RAPGEF2: variants seen among roughly 807,000 people sequenced by gnomAD.
RAPGEF2 encodes the protein Rap guanine nucleotide exchange factor 2.
Under a neutral mutation model 186.7 loss-of-function variants are expected in RAPGEF2, and 54 were observed. That is an observed-to-expected ratio of 0.29 (90% CI 0.23 to 0.36). The LOEUF is 0.36. Among genes scored for constraint, RAPGEF2 ranks in the 10% least tolerant of loss-of-function variants. RAPGEF2 has a pLI of 1.00. For synonymous variants in RAPGEF2, 712 were observed against 705.9 expected (o/e 1.01, Z -0.14); for missense variants, 1,532 against 2,045.0 (o/e 0.75, Z 4.84).
intron 7 of RAPGEF2, among the ~76,000 whole-genome samples, chr4:159,247,894 C>G (rs535917291): frequency 6.7e-6 from 1 of 150,228 alleles, no homozygotes; most frequent in East Asian, 2.0e-4. Flanking sequence ...TCCCGAGTAG[C>G]TGGGATTACA....
chr4:159,322,439 G>C lies in RAPGEF2; in HGVS notation c.946G>C (p.Val316Leu). Residue 316 changes from valine (V) to leucine (L), a missense_variant, in exon 10 of 30, where the codon GTG becomes CTG. This residue lies in a region of RAPGEF2 where 810 missense variants were observed against 1,210.5 expected (regional missense o/e 0.67). Coordinates refer to ENST00000691494, the MANE Select transcript of RAPGEF2 (RefSeq NM_001394067.2). ...ACTCTGTGCTGTGATGGTGTTCGCA[G>C]TGGTGGAAAGAGCAGGGACCATAGT... ...RELCAVMVFA[V>L]VERAGTIVLN... 6.2e-7 allele frequency: 1 copy of C among 1,614,004 alleles called. No individual in the cohort carries two copies. The highest frequency in any genetic ancestry group is 8.5e-7 in the Non-Finnish European group (1 of 1,179,908).
At chr4:159,305,306 A>G (rs1478396763) in intron 8 of RAPGEF2, among the ~76,000 whole-genome samples, 1 of 152,176 alleles carries the variant, frequency 6.6e-6, no homozygotes, top group Non-Finnish European at 1.5e-5. Flanking sequence ...CCAGCTGCAT[A>G]TAAGTGTTCT....
chr4:159,298,260 A>G (rs980188664), intron 7 of RAPGEF2, among the ~76,000 whole-genome samples: 2 of 152,168 alleles, frequency 1.3e-5, no homozygotes, highest in Non-Finnish European at 2.9e-5. Flanking sequence ...TTAGCAAAAT[A>G]AATTTTATAT....
At chr4:159,206,130 C>T (rs1024842889) in intron 3 of RAPGEF2, among the ~76,000 whole-genome samples, 3 of 152,158 alleles carry the variant, frequency 2.0e-5, no homozygotes, top group African/African-American at 7.2e-5. Flanking sequence ...CGGGGTTTCA[C>T]CGTGTTAGCC....
chr4:159,203,047 A>C (rs1197917050), intron 3 of RAPGEF2, among the ~76,000 whole-genome samples: 1 of 152,194 alleles, frequency 6.6e-6, no homozygotes, highest in Non-Finnish European at 1.5e-5. Flanking sequence ...TGGACTTAGT[A>C]GTTTTTTGTT....
intron 7 of RAPGEF2, among the ~76,000 whole-genome samples, chr4:159,272,850 CTA>C (rs1258860674): frequency 1.3e-5 from 2 of 152,188 alleles, no homozygotes; most frequent in African/African-American, 4.8e-5. Context: ...AAATTAATGA[CTA>C]TTTTGAAGAT....
chr4:159,348,845 T>C (rs1170595546), intron 25 of RAPGEF2, among the ~76,000 whole-genome samples: 1 of 152,250 alleles, frequency 6.6e-6, no homozygotes, highest in Non-Finnish European at 1.5e-5. Flanking sequence ...TTATTTAGTT[T>C]AACATACACA....
chr4:159,181,692 C>T (rs1029262502), intron 1 of RAPGEF2, among the ~76,000 whole-genome samples: 4 of 151,296 alleles, frequency 2.6e-5, no homozygotes, highest in African/African-American at 4.9e-5. Context: ...TGCATCACCA[C>T]GCCTGGCTAA....
chr4:159,270,463 T>C (rs1193157473), intron 7 of RAPGEF2, among the ~76,000 whole-genome samples: 1 of 152,154 alleles, frequency 6.6e-6, no homozygotes, highest in African/African-American at 2.4e-5. Flanking sequence ...TTCAAAAAGT[T>C]TGTGGGCTTT....
chr4:159,230,141 T>A (rs984107035), intron 4 of RAPGEF2, among the ~76,000 whole-genome samples: 1 of 152,166 alleles, frequency 6.6e-6, no homozygotes, highest in African/African-American at 2.4e-5. Context: ...GAGAAGACTA[T>A]CAGCATTCTT....
At chr4:159,295,935 A>G (rs1761965964) in intron 7 of RAPGEF2, among the ~76,000 whole-genome samples, 1 of 152,066 alleles carries the variant, frequency 6.6e-6, no homozygotes, top group East Asian at 1.9e-4. Flanking sequence ...AGAAGGATGT[A>G]TTTTTCCATA....
At chr4:159,154,575 T>C (rs533773533) in intron 1 of RAPGEF2, among the ~76,000 whole-genome samples, 11 of 151,950 alleles carry the variant, frequency 7.2e-5, no homozygotes, top group African/African-American at 2.4e-4. Flanking sequence ...CCAGTGACTA[T>C]ATTTAGCATT....
intron 7 of RAPGEF2, among the ~76,000 whole-genome samples, chr4:159,289,783 G>A (rs1383256969): frequency 1.3e-5 from 2 of 152,148 alleles, no homozygotes; most frequent in Admixed American, 6.6e-5. Context: ...TTCAGGAGGA[G>A]GGTTCAGAGA....
At chr4:159,116,983 A>G (rs903275644) in intron 1 of RAPGEF2, among the ~76,000 whole-genome samples, 1 of 149,836 alleles carries the variant, frequency 6.7e-6, no homozygotes, top group South Asian at 2.1e-4. Context: ...GCACACTGTT[A>G]CCTATAACAA....
chr4:159,323,675 C>T, intron 11 of RAPGEF2, 58 bp downstream of exon 11: 1 of 1,051,922 alleles, frequency 9.5e-7, no homozygotes, highest in Non-Finnish European at 1.2e-6. Context: ...CACTTATATG[C>T]CATTGTGATG....
intron 29 of RAPGEF2, among the ~76,000 whole-genome samples, chr4:159,357,102 G>A (rs1346223352): frequency 6.6e-6 from 1 of 152,222 alleles, no homozygotes; most frequent in Non-Finnish European, 1.5e-5. Flanking sequence ...GCTCATGCCT[G>A]TAATCCCAGC....
chr4:159,313,102 C>T (rs756150735), intron 8 of RAPGEF2, among the ~76,000 whole-genome samples: 5 of 151,968 alleles, frequency 3.3e-5, no homozygotes, highest in Non-Finnish European at 5.9e-5. Flanking sequence ...GAGCCGAGAT[C>T]GTGCCATTGC....
intron 25 of RAPGEF2, 58 bp downstream of exon 25, chr4:159,347,056 T>C: frequency 6.9e-7 from 1 of 1,451,532 alleles, no homozygotes; most frequent in Non-Finnish European, 9.5e-7. Flanking sequence ...GTTTGCAAAT[T>C]AGGAAAAAAA....
intron 1 of RAPGEF2, among the ~76,000 whole-genome samples, chr4:159,175,286 TAA>T (rs2111259164): frequency 7.0e-6 from 1 of 142,108 alleles, no homozygotes; most frequent in East Asian, 3.2e-4. Flanking sequence ...ATTGTAACTC[TAA>T]AATAATAATT....
Sources: gnomAD v4.1 joint callset for allele counts (sites outside exome capture counted in the v4.1 genomes callset) on GRCh38, gnomAD v4.1.1 for gene constraint, gnomAD v4.1.1 regional missense constraint, MANE v1.5 for transcripts, NCBI Gene and HGNC (gene_info 2026-07-23, HGNC 2026-07-21) for gene names.